Variants in RGS6 observed in about 807,000 individuals in gnomAD.
RGS6 encodes the protein regulator of G protein signaling 6.
Under a neutral mutation model 78.5 loss-of-function variants are expected in RGS6, and 30 were observed. The observed-to-expected ratio is 0.38, with a 90% CI of 0.29 to 0.52. The LOEUF is 0.52. Among genes scored for constraint, RGS6 ranks in the 20% least tolerant of loss-of-function variants. The pLI, the probability that RGS6 is intolerant of heterozygous loss-of-function variation, is 0.85. For missense variants in RGS6, 495 were observed against 609.7 expected (o/e 0.81, Z 1.98); for synonymous variants, 206 against 206.0 (o/e 1.00, Z 0.00).
chr14:72,518,288 A>G, intron 14 of RGS6, 63 bp from the exon 15 acceptor site: 2 of 1,518,612 alleles, frequency 1.3e-6, no homozygotes, highest in South Asian at 2.4e-5. Context: ...CTCTGGGGCC[A>G]TCTCAGGCAA....
chr14:72,515,437 G>A (rs983367909), intron 14 of RGS6, among the ~76,000 whole-genome samples: 5 of 152,220 alleles, frequency 3.3e-5, no homozygotes, highest in Admixed American at 6.5e-5. Context: ...AGGCCAAGGC[G>A]GGCGGATCAC....
intron 2 of RGS6, among the ~76,000 whole-genome samples, chr14:72,038,728 A>C (rs1385166221): frequency 6.6e-6 from 1 of 152,240 alleles, no homozygotes; most frequent in Non-Finnish European, 1.5e-5. Flanking sequence ...TATTGCTAAC[A>C]CATAAAAATA....
intron 2 of RGS6, among the ~76,000 whole-genome samples, chr14:72,149,387 G>A (rs550698233): frequency 6.6e-6 from 1 of 152,224 alleles, no homozygotes; most frequent in South Asian, 2.1e-4. Context: ...TTGACAACAT[G>A]TTTTAAAACC....
intron 2 of RGS6, among the ~76,000 whole-genome samples, chr14:72,125,977 T>C (rs2096181737): frequency 6.6e-6 from 1 of 152,142 alleles, no homozygotes; most frequent in Admixed American, 6.5e-5. Flanking sequence ...AGTGAGAGTT[T>C]AGATACTTTT....
the RGS6 span, among the ~76,000 whole-genome samples, chr14:72,605,273 G>A: frequency 6.6e-6 from 1 of 152,300 alleles, no homozygotes; most frequent in African/African-American, 2.4e-5. Flanking sequence ...CAGCCCAGAT[G>A]CCAGCAGAGA....
chr14:72,411,737 T>C (rs1160839749), intron 3 of RGS6, among the ~76,000 whole-genome samples: 1 of 152,236 alleles, frequency 6.6e-6, no homozygotes, highest in Non-Finnish European at 1.5e-5. Flanking sequence ...TTGAGATACA[T>C]CCCATCAATA....
At chr14:71,989,403 G>A (rs1407273846) in intron 2 of RGS6, among the ~76,000 whole-genome samples, 2 of 152,186 alleles carry the variant, frequency 1.3e-5, no homozygotes, top group Non-Finnish European at 1.5e-5. Flanking sequence ...CAACCTCATA[G>A]GCAAGATACT....
At chr14:72,403,179 C>T (rs1406625097) in intron 3 of RGS6, among the ~76,000 whole-genome samples, 4 of 152,112 alleles carry the variant, frequency 2.6e-5, no homozygotes, top group African/African-American at 7.2e-5. Context: ...TATTCACAAT[C>T]GCTAAGATAT....
chr14:72,143,384 C>A (rs2096566683), intron 2 of RGS6, among the ~76,000 whole-genome samples: 1 of 151,942 alleles, frequency 6.6e-6, no homozygotes, highest in Non-Finnish European at 1.5e-5. Flanking sequence ...AAAAAAAACA[C>A]AAAAAACTGT....
rs1043443385 is a variant in RGS6 at position 72,458,906 on chromosome 14, A to T, written c.342+529A>T. Among the ~76,000 whole-genome samples the T allele has an allele frequency of 2.0e-5, 3 of 152,278 alleles. No individual in the cohort carries two copies. The East Asian group carries it at 5.8e-4, about 29-fold the overall frequency. ...TTGGGGATTAGGATTTCAACATGTG[A>T]ATTTGAGGAGGATGCAGACATTCAG... On this transcript the variant is annotated intron_variant, in intron 5 of 17. Transcript: ENST00000553525.
chr14:72,609,713 G>A, the RGS6 span, among the ~76,000 whole-genome samples: 6 of 152,300 alleles, frequency 3.9e-5, no homozygotes, highest in Admixed American at 3.3e-4. Context: ...CAGCTAACGG[G>A]GTGGGAGGTG....
At chr14:72,398,538 T>A (rs2091858889) in intron 3 of RGS6, among the ~76,000 whole-genome samples, 1 of 152,232 alleles carries the variant, frequency 6.6e-6, no homozygotes, top group Non-Finnish European at 1.5e-5. Context: ...GAGTTTTTTG[T>A]GTCTCTATTT....
At chr14:72,462,076 A>G (rs1361691480) in intron 6 of RGS6, among the ~76,000 whole-genome samples, 1 of 152,172 alleles carries the variant, frequency 6.6e-6, no homozygotes. Context: ...TAAGAATTCA[A>G]TATAGTATGA....
chr14:72,403,170 A>G (rs1312083939), intron 3 of RGS6, among the ~76,000 whole-genome samples: 3 of 152,202 alleles, frequency 2.0e-5, no homozygotes, highest in African/African-American at 7.2e-5. Flanking sequence ...TCACAGCACT[A>G]TTCACAATCG....
chr14:71,961,769 A>T lies in RGS6; in HGVS notation c.-20-3003A>T, dbSNP rs138119194. Among the ~76,000 whole-genome samples the T allele has an allele frequency of 3.9e-3, 593 of 152,300 alleles. 3 individuals are homozygous for T. The highest frequency in any genetic ancestry group is 5.1e-3 in the Non-Finnish European group (345 of 68,028). On this transcript the variant is annotated intron_variant, in intron 1 of 17. Coordinates refer to ENST00000553525, the MANE Select transcript of RGS6 (RefSeq NM_001204424.2). ...TTCAGAAAAATGTTCACATTCTTCA[A>T]ATGTTAATATTGAAGCCCCTGGGTT...
intron 2 of RGS6, among the ~76,000 whole-genome samples, chr14:72,043,097 T>C (rs1450685997): frequency 2.0e-5 from 3 of 152,192 alleles, no homozygotes; most frequent in Non-Finnish European, 1.5e-5. Flanking sequence ...TATTGTGATA[T>C]TGGAAATGTC....
chr14:72,324,564 A>T (rs1358637218), intron 2 of RGS6, among the ~76,000 whole-genome samples: 5 of 150,740 alleles, frequency 3.3e-5, no homozygotes, highest in African/African-American at 7.3e-5. Context: ...GTCCAAGTGT[A>T]CTCATTGTTC....
the RGS6 span, among the ~76,000 whole-genome samples, chr14:71,869,021 T>C: frequency 6.6e-6 from 1 of 152,190 alleles, no homozygotes; most frequent in African/African-American, 2.4e-5. Context: ...TCAGCTGTGC[T>C]TGACACCAAG....
rs145964796 is a variant in RGS6, at chr14:72,326,899, G to A, written c.85-25196G>A. Among the ~76,000 whole-genome samples the A allele has an allele frequency of 2.9e-3, 443 of 152,204 alleles. 2 individuals carry two copies. Among genetic ancestry groups the A allele is most frequent in the African/African-American group, 0.01 (425 of 41,530 alleles). ...ATTTTTTGTATTTTTAATAGAGATGGGGTTTCACTGTGTTAGCCAGGATGG... is the reference window on the plus strand; with the variant it reads ...ATTTTTTGTATTTTTAATAGAGATGAGGTTTCACTGTGTTAGCCAGGATGG... On this transcript the variant is annotated intron_variant, in intron 2 of 17. Transcript: ENST00000553525.
Sources: allele counts gnomAD v4.1 joint callset (sites outside exome capture counted in the v4.1 genomes callset), GRCh38; gene constraint gnomAD v4.1.1; transcripts MANE v1.5; gene names NCBI Gene and HGNC (gene_info 2026-07-23, HGNC 2026-07-21).